LMAN2L: variants seen among roughly 807,000 people sequenced by gnomAD.
The protein encoded by LMAN2L is lectin, mannose binding 2 like.
A neutral mutation model predicts 44.3 loss-of-function variants in LMAN2L; 30 were observed. The observed-to-expected ratio is 0.68, with a 90% confidence interval of 0.51 to 0.92. The LOEUF (loss-of-function observed/expected upper bound fraction) is 0.92. LMAN2L is among the 40% of genes least tolerant of loss of function. The probability of loss-of-function intolerance (pLI) is 0.00; values close to 1 mark genes in which losing one functional copy is unlikely to be tolerated. For missense variants in LMAN2L, 429 were observed against 446.1 expected (o/e 0.96, Z 0.35); for synonymous variants, 183 against 171.1 (o/e 1.07, Z -0.54).
At chr2:96,729,138 C>T (rs2078338954) in intron 4 of LMAN2L, among the ~76,000 whole-genome samples, 1 of 151,836 alleles carries the variant, frequency 6.6e-6, no homozygotes, top group South Asian at 2.1e-4. Flanking sequence ...CACCACTGCA[C>T]TCCAGCCTGG....
chr2:96,730,847 G>C (rs955391923), intron 4 of LMAN2L, among the ~76,000 whole-genome samples: 2 of 152,080 alleles, frequency 1.3e-5, no homozygotes, highest in African/African-American at 4.8e-5. Context: ...ACTAATTTTT[G>C]TATTTTTAGT....
intron 3 of LMAN2L, 37 bp from the exon 4 acceptor site, chr2:96,733,638 A>G (rs751741984): frequency 6.6e-7 from 1 of 1,523,010 alleles, no homozygotes; most frequent in Non-Finnish European, 9.1e-7. Flanking sequence ...AATGAAATAA[A>G]GCTAAGAGTT....
intron 2 of LMAN2L, among the ~76,000 whole-genome samples, chr2:96,736,307 G>A (rs1418978061): frequency 1.3e-5 from 2 of 152,208 alleles, no homozygotes; most frequent in African/African-American, 2.4e-5. Context: ...CTGGGGATGA[G>A]ACCCAGGCAT....
chr2:96,733,617 AGAT>A lies in LMAN2L; in HGVS notation c.425-19_425-17del, dbSNP rs1416397148. 6.3e-7 allele frequency: 1 copy of A among 1,591,902 alleles called. No homozygotes were observed. The highest frequency in any genetic ancestry group is 1.7e-5 in the Admixed American group (1 of 59,906). ...AACACAGGCCCTAGAGAGAGAGAAC[AGAT>A]GATGAACAATGAAATAAAGCTAAGA... On this transcript the variant is annotated splice_polypyrimidine_tract_variant and intron_variant, in intron 3 of 7. Transcript: ENST00000264963.
chr2:96,734,509 G>C lies in LMAN2L; in HGVS notation c.324C>G (p.Asp108Glu). 6.2e-7 allele frequency: 1 copy of C among 1,609,584 alleles called. No individual in the cohort carries two copies. The highest frequency in any genetic ancestry group is 8.5e-7 in the Non-Finnish European group (1 of 1,175,884). The change falls in exon 3 of 8, where the codon GAC (aspartate) becomes GAG (glutamate). Residue 108 changes from aspartate (D) to glutamate (E), a missense_variant. Asp to Glu is a conservative substitution (Grantham distance 45). Coordinates refer to ENST00000264963, the MANE Select transcript of LMAN2L (RefSeq NM_030805.4). ...LWNRVPCFLRDWELQVHFKIH... is the reference protein window; with the variant it reads ...LWNRVPCFLREWELQVHFKIH... Reference sequence around the variant, plus strand: ...TTTTGAAGTGCACCTGCAACTCCCAGTCTCTCAGGAAACATGGCTAAAGTG... The same window carrying C: ...TTTTGAAGTGCACCTGCAACTCCCACTCTCTCAGGAAACATGGCTAAAGTG...
At chr2:96,728,617 T>TCCCA in intron 4 of LMAN2L, among the ~76,000 whole-genome samples, 1 of 149,838 alleles carries the variant, frequency 6.7e-6, no homozygotes, top group East Asian at 2.0e-4. Context: ...CCGAGGCGGG[T>TCCCA]AGATTACTTG....
intron 4 of LMAN2L, among the ~76,000 whole-genome samples, chr2:96,722,657 T>C (rs1050884447): frequency 2.0e-5 from 3 of 152,198 alleles, no homozygotes; most frequent in Non-Finnish European, 4.4e-5. Context: ...CTCTAATCAG[T>C]TGATGGACAT....
intron 4 of LMAN2L, among the ~76,000 whole-genome samples, chr2:96,721,326 C>CTTTTTTTTTTTTTTTT (rs56023035): frequency 1.2e-5 from 1 of 84,600 alleles, no homozygotes; most frequent in Non-Finnish European, 2.2e-5. Flanking sequence ...TTCTTTCAGT[C>CTTTTTTTTTTTTTTTT]TTTTTTTTTT....
intron 4 of LMAN2L, among the ~76,000 whole-genome samples, chr2:96,719,928 G>A (rs1397892247): frequency 1.3e-5 from 2 of 152,160 alleles, no homozygotes; most frequent in African/African-American, 4.8e-5. Flanking sequence ...TCAGAAGGCT[G>A]AGGCAGGAAG....
intron 4 of LMAN2L, among the ~76,000 whole-genome samples, chr2:96,719,420 G>T (rs1160581767): frequency 6.6e-6 from 1 of 151,988 alleles, no homozygotes; most frequent in African/African-American, 2.4e-5. Flanking sequence ...CAACAGTAAA[G>T]AGACCACTTT....
At chr2:96,729,605 T>C (rs1230761144) in intron 4 of LMAN2L, among the ~76,000 whole-genome samples, 3 of 151,758 alleles carry the variant, frequency 2.0e-5, no homozygotes, top group African/African-American at 7.3e-5. Context: ...GTCTCCCAGG[T>C]TCAAGTGATT....
At chr2:96,734,351 G>C (rs2078468556) in intron 3 of LMAN2L, 58 bp downstream of exon 3, 11 of 1,024,868 alleles carry the variant, frequency 1.1e-5, no homozygotes, top group Non-Finnish European at 1.6e-5. Flanking sequence ...TTCAAAAAGA[G>C]GGCACATGAA....
intron 4 of LMAN2L, among the ~76,000 whole-genome samples, chr2:96,725,105 A>G (rs888253479): frequency 6.6e-6 from 1 of 152,018 alleles, no homozygotes; most frequent in African/African-American, 2.4e-5. Context: ...TGCTGGGATT[A>G]CAGGCGTGAG....
chr2:96,731,935 C>G (rs1486191729), intron 4 of LMAN2L, among the ~76,000 whole-genome samples: 1 of 151,828 alleles, frequency 6.6e-6, no homozygotes, highest in Non-Finnish European at 1.5e-5. Flanking sequence ...GCAACCTCCA[C>G]CTCCCAGGTT....
intron 4 of LMAN2L, among the ~76,000 whole-genome samples, chr2:96,730,548 T>C (rs2078370777): frequency 6.6e-6 from 1 of 152,194 alleles, no homozygotes; most frequent in Non-Finnish European, 1.5e-5. Context: ...AGTGTTAATA[T>C]TGTAGAATGC....
chr2:96,724,407 G>A (rs1036758481), intron 4 of LMAN2L, among the ~76,000 whole-genome samples: 4 of 152,174 alleles, frequency 2.6e-5, no homozygotes, highest in Admixed American at 2.6e-4. Flanking sequence ...AGCAATGTGG[G>A]GAGTACTGCT....
chr2:96,715,158 C>T (rs1391085379), intron 4 of LMAN2L, among the ~76,000 whole-genome samples: 3 of 152,054 alleles, frequency 2.0e-5, no homozygotes, highest in South Asian at 2.1e-4. Context: ...AGGCTGGTCT[C>T]GAACTCCTGA....
intron 4 of LMAN2L, among the ~76,000 whole-genome samples, chr2:96,717,533 G>GAAA (rs763461930): frequency 1.8e-5 from 2 of 111,068 alleles, no homozygotes; most frequent in African/African-American, 3.4e-5. Context: ...CCCTGTGTCG[G>GAAA]AAAAAAAAAA....
Position 96,725,370 on chromosome 2 carries a change from G to C in LMAN2L, c.507+8149C>G, listed in dbSNP as rs1574016694. Among the ~76,000 whole-genome samples the C allele has an allele frequency of 2.0e-5, 3 of 152,062 alleles. 1 individual carries two copies. The highest frequency in any genetic ancestry group is 7.2e-5 in the African/African-American group (3 of 41,404). On this transcript the variant is annotated intron_variant, in intron 4 of 7. Transcript: ENST00000264963. ...CCACTTCAGCCTCCCACAAGTGCTG[G>C]GATTATAGGTGTGAGCCACCACACC...
Sources: gnomAD v4.1 joint callset for allele counts (sites outside exome capture counted in the v4.1 genomes callset) on GRCh38, gnomAD v4.1.1 for gene constraint, MANE v1.5 for transcripts, NCBI Gene and HGNC (gene_info 2026-07-23, HGNC 2026-07-21) for gene names.